Variants in STRN3 observed in about 807,000 individuals in gnomAD.
STRN3 encodes the protein striatin-3.
Under a neutral mutation model 95.6 loss-of-function variants are expected in STRN3, and 29 were observed. The ratio of observed to expected loss-of-function variants is 0.30; its 90% CI spans 0.23 to 0.41. The LOEUF is 0.41. STRN3 is among the 10% of genes least tolerant of loss of function. The probability of loss-of-function intolerance (pLI) is 1.00; values close to 1 mark genes in which losing one functional copy is unlikely to be tolerated. For missense variants in STRN3, 890 were observed against 972.1 expected, an observed-to-expected ratio of 0.92 and a Z score of 1.12; for synonymous variants, 331 against 357.6, an observed-to-expected ratio of 0.93 and a Z score of 0.84.
At chr14:30,932,837 A>G (rs936000181) in intron 7 of STRN3, among the ~76,000 whole-genome samples, 7 of 152,222 alleles carry the variant, frequency 4.6e-5, no homozygotes, top group Non-Finnish European at 8.8e-5. Flanking sequence ...ACAGGAATGA[A>G]TATGTGTCAA....
At chr14:30,972,647 A>G (rs943823186) in intron 1 of STRN3, among the ~76,000 whole-genome samples, 2 of 149,034 alleles carry the variant, frequency 1.3e-5, no homozygotes, top group African/African-American at 4.9e-5. Context: ...CAAAAAATTA[A>G]AAAAAAAAAA....
At position 30,907,029 on chromosome 14, in the gene STRN3, G is replaced by C. The variant is rs747116961; in HGVS notation, c.1736C>G (p.Ala579Gly). 6.2e-7 allele frequency: 1 copy of C among 1,609,188 alleles called. No homozygotes were observed. Among genetic ancestry groups the C allele is most frequent in the African/African-American group, 1.3e-5 (1 of 74,708 alleles). ...PYDTYEPNVL[A>G]GTLVGHTDAV... ...ATCTGTATGACCAACTAAAGTGCCA[G>C]CTAGAACATTTGGCTCTGGGGAAAA... The change falls in exon 14 of 18, where the codon GCT becomes GGT. Residue 579 changes from alanine to glycine, a missense_variant. Ala to Gly is a moderately conservative substitution (Grantham distance 60). Around this residue, in one of 3 missense-constraint regions of STRN3, gnomAD observed 357 missense variants for 422.8 expected, o/e 0.84. Coordinates refer to ENST00000357479, the MANE Select transcript of STRN3 (RefSeq NM_001083893.2).
Position 30,935,195 on chromosome 14 carries a change from T to G in STRN3, c.956A>C (p.Glu319Ala), listed in dbSNP as rs1041609664. 1.9e-6 allele frequency: 3 copies of G among 1,614,132 alleles called. No individual in the cohort carries two copies. Among genetic ancestry groups the G allele is most frequent in the Non-Finnish European group, 2.5e-6 (3 of 1,179,990 alleles). ...TGTGCCATCCCCCGAACTCCGTGCT[T>G]CTCCAGCTCCTTCACCATCTTCAGC... ...VTAEDGEGAGEARSSGDGTEW... is the reference protein window; with the variant it reads ...VTAEDGEGAGAARSSGDGTEW... The change falls in exon 7 of 18, where the codon GAA becomes GCA. Residue 319 changes from glutamate to alanine, a missense_variant. By Grantham distance (107) the Glu-to-Ala change is moderately radical (BLOSUM62 -1). Coordinates refer to ENST00000357479, the MANE Select transcript of STRN3 (RefSeq NM_001083893.2).
chr14:30,998,890 A>G (rs970069724), intron 1 of STRN3, among the ~76,000 whole-genome samples: 3 of 152,286 alleles, frequency 2.0e-5, no homozygotes, highest in African/African-American at 7.2e-5. Flanking sequence ...AGAGGATCTC[A>G]AGCCCAGTAG....
At chr14:30,975,942 T>C (rs1451961877) in intron 1 of STRN3, among the ~76,000 whole-genome samples, 1 of 151,716 alleles carries the variant, frequency 6.6e-6, no homozygotes, top group Non-Finnish European at 1.5e-5. Context: ...GTTCATATGC[T>C]AAGACAGCAG....
intron 1 of STRN3, among the ~76,000 whole-genome samples, chr14:31,017,168 A>C (rs1883278302): frequency 6.6e-6 from 1 of 152,006 alleles, no homozygotes; most frequent in African/African-American, 2.4e-5. Context: ...AAAAAGTTTT[A>C]AAAAGTGTAA....
In STRN3 at chr14:31,014,401, T is replaced by C. The variant is rs1452298490; in HGVS notation, c.282+11503A>G. On this transcript the variant is annotated intron_variant, in intron 1 of 17. Coordinates refer to ENST00000357479, the MANE Select transcript of STRN3 (RefSeq NM_001083893.2). ...CACACCCTGCTAATTTTTGTATTTT[T>C]AGTAAAGACGGGGTTTCACCATGTG... Among the ~76,000 whole-genome samples the C allele has an allele frequency of 2.6e-5, 4 of 152,136 alleles. No individual in the cohort carries two copies. The East Asian group carries it at 7.8e-4, about 30-fold the overall frequency.
At position 30,905,526 on chromosome 14, in the gene STRN3, C is replaced by A. The variant is rs1224324511; in HGVS notation, c.1921G>T (p.Gly641Cys). 2 of 1,605,580 alleles carry A rather than the reference C, an allele frequency of 1.2e-6. No individual in the cohort carries two copies. The highest frequency in any genetic ancestry group is 1.7e-6 in the Non-Finnish European group (2 of 1,176,916). Residue 641 changes from glycine to cysteine, a missense_variant, in exon 15 of 18, where the codon GGC (glycine) becomes TGC (cysteine). Coordinates refer to ENST00000357479, the MANE Select transcript of STRN3 (RefSeq NM_001083893.2). The part of the protein sequence containing the change: ...HGIPTSVDFI[G>C]CDPAHMVTSF... ...GTTACCATATGAGCTGGATCACAGCCTATAAAGTCAACTGATGTAGGTATT... is the reference window on the plus strand; with the variant it reads ...GTTACCATATGAGCTGGATCACAGCATATAAAGTCAACTGATGTAGGTATT...
intron 1 of STRN3, among the ~76,000 whole-genome samples, chr14:31,003,693 T>C (rs970820368): frequency 2.0e-5 from 3 of 151,354 alleles, no homozygotes; most frequent in African/African-American, 7.3e-5. Context: ...ACCAACAGAA[T>C]TGAGTCAAAT....
At chr14:30,919,160 C>A (rs1896816966) in intron 8 of STRN3, 54 bp from the exon 9 acceptor site, 9 of 1,455,108 alleles carry the variant, frequency 6.2e-6, no homozygotes, top group South Asian at 1.5e-5. Flanking sequence ...GCTTGACTTT[C>A]CGGCAGCCTT....
At chr14:30,994,974 C>T (rs1422000242) in intron 1 of STRN3, among the ~76,000 whole-genome samples, 3 of 152,150 alleles carry the variant, frequency 2.0e-5, no homozygotes, top group Non-Finnish European at 4.4e-5. Context: ...AATTTTGACC[C>T]CAGGGTCAAG....
chr14:30,957,903 ATTG>A lies in STRN3; in HGVS notation c.283-1664_283-1662del, dbSNP rs371682517. ...GAAAGAAAGCTATTCAGTAAGCTAA[ATTG>A]TTGTTAAAACTTTAGTTATGATGTG... On this transcript the variant is annotated intron_variant, in intron 1 of 17. Coordinates refer to ENST00000357479, the MANE Select transcript of STRN3 (RefSeq NM_001083893.2). Among the ~76,000 whole-genome samples the A allele has an allele frequency of 3.4e-3, 514 of 152,328 alleles. 4 individuals carry two copies. The highest frequency in any genetic ancestry group is 0.012 in the African/African-American group (479 of 41,580).
intron 13 of STRN3, among the ~76,000 whole-genome samples, chr14:30,910,200 T>C (rs1490411313): frequency 6.6e-6 from 1 of 152,250 alleles, no homozygotes. Context: ...GTCACTATTT[T>C]AGAAAGACCT....
At chr14:30,989,565 A>G (rs562593249) in intron 1 of STRN3, among the ~76,000 whole-genome samples, 97 of 152,216 alleles carry the variant, frequency 6.4e-4, no homozygotes, top group Non-Finnish European at 1.2e-3. Context: ...GATTCACGCC[A>G]TTCTCCTGCC....
chr14:30,913,949 T>C (rs1365356497), intron 9 of STRN3, among the ~76,000 whole-genome samples: 2 of 152,212 alleles, frequency 1.3e-5, no homozygotes, highest in Non-Finnish European at 2.9e-5. Context: ...AGTACAATTA[T>C]AACTATAGTT....
intron 1 of STRN3, among the ~76,000 whole-genome samples, chr14:30,968,837 T>C (rs902474106): frequency 2.0e-5 from 3 of 152,154 alleles, no homozygotes; most frequent in Non-Finnish European, 2.9e-5. Context: ...TGTAAAACTA[T>C]AGAAGAAACA....
In STRN3 at chr14:30,949,774, G is replaced by A. The variant is rs372562681; in HGVS notation, c.542+1089C>T. Among the ~76,000 whole-genome samples, 10 of 152,286 alleles carry A rather than the reference G, an allele frequency of 6.6e-5. No individual in the cohort carries two copies. In the South Asian group the frequency reaches 2.1e-3, roughly 32 times the overall value. On this transcript the variant is annotated intron_variant, in intron 4 of 17. Transcript: ENST00000357479. ...TTTTCCATGAAGCAGAGCCTGAAGT[G>A]CTTTAATGAAATAAGGGAGAATGGG... is the stretch of plus-strand genomic sequence containing the variant.
chr14:30,963,329 C>CA (rs1463487149), intron 1 of STRN3, among the ~76,000 whole-genome samples: 4 of 152,090 alleles, frequency 2.6e-5, no homozygotes, highest in Non-Finnish European at 5.9e-5. Context: ...CTTTACCCAA[C>CA]AAAAAAATAC....
At chr14:30,985,018 CA>C (rs1881610400) in intron 1 of STRN3, among the ~76,000 whole-genome samples, 1 of 151,890 alleles carries the variant, frequency 6.6e-6, no homozygotes, top group African/African-American at 2.4e-5. Context: ...TTTTTAATAA[CA>C]AAAATATTTT....
Sources: gnomAD v4.1 joint callset for allele counts (sites outside exome capture counted in the v4.1 genomes callset) on GRCh38, gnomAD v4.1.1 for gene constraint, gnomAD v4.1.1 regional missense constraint, MANE v1.5 for transcripts, NCBI Gene and HGNC (gene_info 2026-07-23, HGNC 2026-07-21) for gene names.